CRLF1: variants seen among roughly 807,000 people sequenced by gnomAD.
CRLF1 encodes the protein cytokine receptor-like factor 1.
Under a neutral mutation model 48.9 loss-of-function variants are expected in CRLF1, and 36 were observed. The observed-to-expected ratio is 0.74, with a 90% CI of 0.56 to 0.97. The LOEUF (loss-of-function observed/expected upper bound fraction) is 0.97, where lower values mean the gene tolerates loss of function less well. CRLF1 is among the 50% of genes least tolerant of loss of function. The pLI is 0.00. For missense variants in CRLF1, 534 were observed against 575.1 expected, an observed-to-expected ratio of 0.93 and a Z score of 0.73; for synonymous variants, 256 against 253.4, an observed-to-expected ratio of 1.01 and a Z score of -0.10.
At chr19:18,603,260 G>A (rs1451269421) in intron 1 of CRLF1, among the ~76,000 whole-genome samples, 1 of 152,274 alleles carries the variant, frequency 6.6e-6, no homozygotes, top group Non-Finnish European at 1.5e-5. Flanking sequence ...ATAACTAGGG[G>A]AGAAAGTAAA....
intron 2 of CRLF1, chr19:18,599,171 T>TCTCA: frequency 1.1e-6 from 1 of 939,984 alleles, no homozygotes; most frequent in South Asian, 4.9e-5. Context: ...AATGGTGCCA[T>TCTCA]CTCAGCTCAC....
intron 8 of CRLF1, 35 bp downstream of exon 8, chr19:18,594,030 G>GCGGGGGGCCCCCCCCC: frequency 1.5e-6 from 2 of 1,315,304 alleles, no homozygotes; most frequent in Admixed American, 2.3e-5. Context: ...CCCTCCCCTT[G>GCGGGGGGCCCCCCCCC]CTCCCTCCCG....
At chr19:18,594,194 GC>G (rs1031662074) in intron 7 of CRLF1, 52 bp downstream of exon 7, 17 of 1,607,038 alleles carry the variant, frequency 1.1e-5, no homozygotes, top group South Asian at 3.3e-5. Flanking sequence ...TGTTTTCTGG[GC>G]CCCCCCAGCT....
intron 8 of CRLF1, 33 bp downstream of exon 8, chr19:18,594,032 T>TGGCCA: frequency 4.3e-6 from 3 of 695,812 alleles, no homozygotes; most frequent in Non-Finnish European, 4.4e-6. Context: ...CTCCCCTTGC[T>TGGCCA]CCCTCCCGCC....
Position 18,597,014 on chromosome 19 carries a change from G to A in CRLF1, c.733C>T (p.Arg245Cys), listed in dbSNP as rs773474924. The change falls in exon 5 of 9, where the codon CGC becomes TGC. Residue 245 changes from arginine to cysteine, a missense_variant. Physicochemically the swap from Arg to Cys is radical, Grantham distance 180. Coordinates refer to ENST00000392386, the MANE Select transcript of CRLF1 (RefSeq NM_004750.5). ...AGCTGGTCCTCCAGGCCCCCGACGC[G>A]GCTCACGTGCACGTCGGGCGGGGGG... is the stretch of plus-strand genomic sequence containing the variant. ...TDPPPDVHVS[R>C]VGGLEDQLSV... 6.2e-7 allele frequency: 1 copy of A among 1,613,374 alleles called. No homozygotes were observed. The highest frequency in any genetic ancestry group is 1.1e-5 in the South Asian group (1 of 91,066).
intron 8 of CRLF1, 35 bp downstream of exon 8, chr19:18,594,030 G>GCGGGGGGCCC: frequency 1.5e-6 from 2 of 1,315,308 alleles, no homozygotes; most frequent in Non-Finnish European, 2.1e-6. Flanking sequence ...CCCTCCCCTT[G>GCGGGGGGCCC]CTCCCTCCCG....
rs1225725276 is a variant in CRLF1 at position 18,597,005 on chromosome 19, C to T, written c.742G>A (p.Gly248Ser). The change falls in exon 5 of 9, where the codon GGC (glycine) becomes AGC (serine). Residue 248 changes from glycine (G) to serine (S), a missense_variant. This residue lies in a region of CRLF1 where 528 missense variants were observed against 555.7 expected (regional missense o/e 0.95). Transcript: ENST00000392386. The stretch of plus-strand genomic sequence containing the variant: ...CGCACGCTCAGCTGGTCCTCCAGGC[C>T]CCCGACGCGGCTCACGTGCACGTCG... ...PPDVHVSRVG[G>S]LEDQLSVRWV... The T allele has an allele frequency of 6.2e-7, 1 of 1,613,530 alleles. No individual in the cohort carries two copies. Among genetic ancestry groups the T allele is most frequent in the Admixed American group, 1.7e-5 (1 of 59,994 alleles).
Position 18,594,499 on chromosome 19 carries a change from G to T in CRLF1, c.1025-65C>A, listed in dbSNP as rs79743774. The T allele has an allele frequency of 0.042, 50,674 of 1,214,832 alleles. 3,558 individuals carry two copies. Among genetic ancestry groups the T allele is most frequent in the African/African-American group, 0.31 (19,306 of 62,302 alleles). 75.3% of individuals were successfully genotyped at this position (1,214,832 alleles called of 1,614,324 possible). On this transcript the variant is annotated intron_variant, in intron 6 of 8. Transcript: ENST00000392386. ...CAGGGGGTGCGCGCGGGCAGGAGAG[G>T]GGAGACCCCGGCGCGGCGGGACCAT...
At chr19:18,596,830 TAGCAGG>T (rs769519067) in intron 5 of CRLF1, 40 bp from the exon 6 acceptor site, 1 of 1,612,142 alleles carries the variant, frequency 6.2e-7, no homozygotes, top group South Asian at 1.1e-5. Context: ...GGGCGGGGCC[TAGCAGG>T]AGCGGGGGCG....
chr19:18,597,431 C>CTTTTTT (rs765610119), intron 4 of CRLF1, among the ~76,000 whole-genome samples: 2 of 81,622 alleles, frequency 2.5e-5, no homozygotes, highest in African/African-American at 1.3e-4. Flanking sequence ...CCCTTCCACT[C>CTTTTTT]TTTTTTTTTT....
intron 8 of CRLF1, 33 bp downstream of exon 8, chr19:18,594,032 T>TTGGGA: frequency 8.6e-6 from 6 of 695,798 alleles, no homozygotes; most frequent in African/African-American, 2.1e-5. Flanking sequence ...CTCCCCTTGC[T>TTGGGA]CCCTCCCGCC....
intron 6 of CRLF1, 84 bp downstream of exon 6, chr19:18,596,538 A>T: frequency 1.3e-6 from 2 of 1,531,630 alleles, no homozygotes; most frequent in Admixed American, 4.1e-5. Context: ...AAAAGAAAAA[A>T]AAAAGAAAAG....
At chr19:18,603,035 C>T (rs561943727) in intron 1 of CRLF1, among the ~76,000 whole-genome samples, 6 of 152,310 alleles carry the variant, frequency 3.9e-5, no homozygotes, top group South Asian at 4.1e-4. Flanking sequence ...CTTTGAGCCT[C>T]TGGAAAGGGG....
chr19:18,601,385 T>G (rs1976219521), intron 1 of CRLF1, among the ~76,000 whole-genome samples: 1 of 152,158 alleles, frequency 6.6e-6, no homozygotes, highest in Non-Finnish European at 1.5e-5. Context: ...CAAGTGATTC[T>G]CCTGCGTCAG....
In CRLF1 at chr19:18,606,276, C is replaced by G. The variant is rs1976294253; in HGVS notation, c.115+266G>C. On this transcript the variant is annotated intron_variant, in intron 1 of 8. Coordinates refer to ENST00000392386, the MANE Select transcript of CRLF1 (RefSeq NM_004750.5). This position sits in a 1 kb window ranked among gnomAD's most constrained non-coding sequence, Gnocchi z 4.8. ...TGCAGAGGGTCTCAGGCCGCGATCC[C>G]CCCAGCCCCCGGGGGCCTGGCCTGG... is the stretch of plus-strand genomic sequence containing the variant. 6.6e-6 allele frequency among the ~76,000 whole-genome samples: 1 copy of G among 151,814 alleles called. No homozygotes were observed. The highest frequency in any genetic ancestry group is 1.9e-4 in the East Asian group (1 of 5,150).
In CRLF1 at chr19:18,593,540, G is replaced by C; in HGVS notation, c.*26C>G. On this transcript the variant is annotated 3_prime_UTR_variant, in exon 9 of 9. Transcript: ENST00000392386. ...TCGGCCTCTGCGTCTCCACGTGGCAGGGAGGGTGGCCTGAGCCCCTACAGC... is the reference window on the plus strand; with the variant it reads ...TCGGCCTCTGCGTCTCCACGTGGCACGGAGGGTGGCCTGAGCCCCTACAGC... The C allele has an allele frequency of 1.2e-6, 2 of 1,610,638 alleles. No homozygotes were observed. Among genetic ancestry groups the C allele is most frequent in the Non-Finnish European group, 1.7e-6 (2 of 1,178,930 alleles).
In CRLF1 at chr19:18,606,092, C is replaced by T. The variant is rs1976291048; in HGVS notation, c.115+450G>A. On this transcript the variant is annotated intron_variant, in intron 1 of 8. Transcript: ENST00000392386. The surrounding 1 kb of genome is among the most constrained non-coding windows in gnomAD (Gnocchi z 4.8). The stretch of plus-strand genomic sequence containing the variant: ...GGCCAGAGCGGCCCCCCTGCAGCCC[C>T]GCCCTCCCCGTGGGGCTCATCCCTC... Among the ~76,000 whole-genome samples, 1 of 151,608 alleles carries T rather than the reference C, an allele frequency of 6.6e-6. No homozygotes were observed. Among genetic ancestry groups the T allele is most frequent in the Non-Finnish European group, 1.5e-5 (1 of 67,800 alleles).
intron 8 of CRLF1, 33 bp downstream of exon 8, chr19:18,594,032 T>TTGGCCCCCCCCCC: frequency 1.4e-6 from 1 of 695,812 alleles, no homozygotes; most frequent in Non-Finnish European, 2.2e-6. Flanking sequence ...CTCCCCTTGC[T>TTGGCCCCCCCCCC]CCCTCCCGCC....
chr19:18,596,585 T>C (rs1427398808), intron 6 of CRLF1, 37 bp downstream of exon 6: 7 of 1,607,578 alleles, frequency 4.4e-6, no homozygotes, highest in Non-Finnish European at 6.0e-6. Flanking sequence ...GGTTTCGGAC[T>C]GGCCGCTGGA....
Sources: allele counts gnomAD v4.1 joint callset (sites outside exome capture counted in the v4.1 genomes callset), GRCh38; gene constraint gnomAD v4.1.1; regional missense constraint gnomAD v4.1.1; non-coding constraint Gnocchi (gnomAD v3.1); transcripts MANE v1.5; gene names NCBI Gene and HGNC (gene_info 2026-07-23, HGNC 2026-07-21).